The following CNGA3 variants were observed in gnomAD, a reference collection of about 807,000 sequenced individuals.
CNGA3 encodes the protein cyclic nucleotide-gated channel alpha-3.
CNGA3 carries 42 observed loss-of-function variants against 46.6 expected under a neutral mutation model. The ratio of observed to expected loss-of-function variants is 0.90; its 90% CI spans 0.70 to 1.17. The LOEUF is 1.17. Among genes scored for constraint, CNGA3 ranks in the 50% most tolerant of loss-of-function variants. The probability of loss-of-function intolerance (pLI) is 0.00; values close to 1 mark genes in which losing one functional copy is unlikely to be tolerated. For missense variants in CNGA3, 893 were observed against 890.7 expected (o/e 1.00, Z -0.03); for synonymous variants, 394 against 369.4 (o/e 1.07, Z -0.76).
rs6727412 is a variant in CNGA3 at position 98,370,047 on chromosome 2, T to C, written c.72T>C (p.Asp24=). 0.16 allele frequency: 260,500 copies of C among 1,613,068 alleles called. 22,881 individuals carry two copies. The highest frequency in any genetic ancestry group is 0.18 in the Non-Finnish European group (216,828 of 1,179,362). ...TCAAGGTAAAGACCTCAGACCGAGA[T>C]CTCAATCGCGCTGAAAATGGCCTCA... ...THLKVKTSDR[D]LNRAENGLSR... The change falls in exon 2 of 8, where the codon GAT becomes GAC. Residue 24 remains aspartate, a synonymous_variant. Coordinates refer to ENST00000272602, the MANE Select transcript of CNGA3 (RefSeq NM_001298.3).
chr2:98,374,722 C>T (rs1692366531), intron 2 of CNGA3, among the ~76,000 whole-genome samples: 1 of 152,144 alleles, frequency 6.6e-6, no homozygotes, highest in African/African-American at 2.4e-5. Context: ...TATGTAAACA[C>T]CCCCAGGCAT....
chr2:98,381,962 G>T (rs1692549618), intron 4 of CNGA3, among the ~76,000 whole-genome samples: 2 of 152,174 alleles, frequency 1.3e-5, no homozygotes, highest in African/African-American at 4.8e-5. Flanking sequence ...GGCAAGCAAA[G>T]ACTTCCTTAT....
rs573692475 is a variant in CNGA3, at chr2:98,395,531, T to C, written c.674-313T>C. ...TTTTAAAGGATCCTTTTTTAAAATA[T>C]GTATATAATTTCCATTTATCTTTTA... On this transcript the variant is annotated intron_variant, in intron 7 of 7. Coordinates refer to ENST00000272602, the MANE Select transcript of CNGA3 (RefSeq NM_001298.3). 1.2e-4 allele frequency among the ~76,000 whole-genome samples: 19 copies of C among 152,308 alleles called. 1 individual carries two copies. The South Asian group carries it at 3.9e-3, about 32-fold the overall frequency.
At chr2:98,394,741 C>G (rs1267918579) in intron 7 of CNGA3, among the ~76,000 whole-genome samples, 1 of 152,188 alleles carries the variant, frequency 6.6e-6, no homozygotes, top group African/African-American at 2.4e-5. Context: ...AATAGAATGT[C>G]TCAGGAAGTC....
chr2:98,392,063 G>T, intron 7 of CNGA3, 93 bp downstream of exon 7: 1 of 1,130,822 alleles, frequency 8.8e-7, no homozygotes, highest in South Asian at 1.3e-5. Context: ...ACCTACCCTT[G>T]ACCATGAGAG....
At chr2:98,357,046 T>C (rs1185326087) in intron 1 of CNGA3, among the ~76,000 whole-genome samples, 2 of 152,212 alleles carry the variant, frequency 1.3e-5, no homozygotes, top group Admixed American at 1.3e-4. Context: ...TCATGATGAT[T>C]CCTCACCAGT....
At chr2:98,381,103 C>T (rs1263468690) in intron 4 of CNGA3, among the ~76,000 whole-genome samples, 1 of 152,160 alleles carries the variant, frequency 6.6e-6, no homozygotes, top group Non-Finnish European at 1.5e-5. Flanking sequence ...CATGAGAAGT[C>T]TCCCCAGCAG....
In CNGA3 at chr2:98,369,943, C is replaced by T. The variant is rs375916353; in HGVS notation, c.-33C>T. The stretch of plus-strand genomic sequence containing the variant: ...TGCTTTGTGTTCACATTTTAGCAAT[C>T]ATCTGGGGGGCTAAATGTGACAAAC... On this transcript the variant is annotated 5_prime_UTR_variant, in exon 2 of 8. Coordinates refer to ENST00000272602, the MANE Select transcript of CNGA3 (RefSeq NM_001298.3). The T allele has an allele frequency of 6.4e-7, 1 of 1,564,642 alleles. No individual in the cohort carries two copies. The highest frequency in any genetic ancestry group is 1.4e-5 in the African/African-American group (1 of 73,878).
intron 2 of CNGA3, among the ~76,000 whole-genome samples, chr2:98,374,801 G>C (rs62156346): frequency 0.14 from 21,171 of 152,296 alleles, 2,065 homozygotes; most frequent in Non-Finnish European, 0.2. Context: ...CATTGAGAAG[G>C]AAGTGGGGCA....
chr2:98,396,824 A>AT lies in CNGA3; in HGVS notation c.1656dup (p.Leu553SerfsTer62). The AT allele has an allele frequency of 6.2e-7, 1 of 1,614,190 alleles. No individual in the cohort carries two copies. The highest frequency in any genetic ancestry group is 8.5e-7 in the Non-Finnish European group (1 of 1,180,036). ...TGGCAGCTACTTCGGGGAGATCAGC[A>AT]TTCTGAACATCAAGGGGAGCAAGTC... On this transcript the variant is annotated frameshift_variant, in exon 8 of 8. Transcript: ENST00000272602. LOFTEE classifies it high-confidence loss of function.
At chr2:98,348,784 GAC>G (rs1691703745) in intron 1 of CNGA3, among the ~76,000 whole-genome samples, 1 of 152,204 alleles carries the variant, frequency 6.6e-6, no homozygotes, top group African/African-American at 2.4e-5. Flanking sequence ...ATTTTAAACA[GAC>G]ACAGTCCCTG....
intron 1 of CNGA3, among the ~76,000 whole-genome samples, chr2:98,361,407 C>T (rs1692030049): frequency 6.6e-6 from 1 of 152,110 alleles, no homozygotes; most frequent in South Asian, 2.1e-4. Flanking sequence ...ATATGTACCA[C>T]ATTTTCTTTA....
chr2:98,365,273 C>T (rs1402072249), intron 1 of CNGA3, among the ~76,000 whole-genome samples: 2 of 152,172 alleles, frequency 1.3e-5, no homozygotes, highest in African/African-American at 4.8e-5. Flanking sequence ...GAAACCCTGT[C>T]TCTACTAAAA....
rs867965684 is a variant in CNGA3, at chr2:98,396,953, A to G, written c.1783A>G (p.Lys595Glu). 5 of 1,614,122 alleles carry G rather than the reference A, an allele frequency of 3.1e-6. No homozygotes were observed. Among genetic ancestry groups the G allele is most frequent in the Non-Finnish European group, 4.2e-6 (5 of 1,180,030 alleles). The change falls in exon 8 of 8, where the codon AAG (lysine) becomes GAG (glutamate). Residue 595 changes from lysine to glutamate, a missense_variant. Lys to Glu is a moderately conservative substitution (Grantham distance 56, BLOSUM62 1). This residue lies in a region of CNGA3 where 548 missense variants were observed against 570.8 expected (regional missense o/e 0.96). Coordinates refer to ENST00000272602, the MANE Select transcript of CNGA3 (RefSeq NM_001298.3). ...MEALTEYPEA[K>E]KALEEKGRQI... The stretch of plus-strand genomic sequence containing the variant: ...GGCCCTCACCGAGTACCCCGAAGCC[A>G]AGAAGGCCCTGGAGGAGAAAGGACG...
intron 5 of CNGA3, among the ~76,000 whole-genome samples, chr2:98,387,174 C>A (rs1480227083): frequency 6.6e-6 from 1 of 152,140 alleles, no homozygotes; most frequent in Admixed American, 6.5e-5. Context: ...TTTAAGTGGC[C>A]ATGTAGAATT....
chr2:98,380,416 G>A (rs1481474592), intron 4 of CNGA3, 62 bp downstream of exon 4: 1 of 1,565,120 alleles, frequency 6.4e-7, no homozygotes, highest in Non-Finnish European at 8.7e-7. Flanking sequence ...GGAAGCCTGT[G>A]CTTTGCTCCA....
rs760574115 is a variant in CNGA3 at position 98,391,876 on chromosome 2, T to C, written c.579T>C (p.Asp193=). 5.0e-6 allele frequency: 8 copies of C among 1,613,988 alleles called. No homozygotes were observed. Among genetic ancestry groups the C allele is most frequent in the African/African-American group, 4.0e-5 (3 of 74,940 alleles). Residue 193 remains aspartate, a synonymous_variant, in exon 7 of 8, where the codon GAT becomes GAC. Coordinates refer to ENST00000272602, the MANE Select transcript of CNGA3 (RefSeq NM_001298.3). Reference sequence around the variant, plus strand: ...ATGGCTTCTTTAGGGCCTGTTTCGATGAGCTGCAGTCCGAGTACCTGATGC... The same window carrying C: ...ATGGCTTCTTTAGGGCCTGTTTCGACGAGCTGCAGTCCGAGTACCTGATGC... The part of the protein sequence containing the change: ...WYLLICRACF[D]ELQSEYLMLW...
intron 4 of CNGA3, among the ~76,000 whole-genome samples, chr2:98,381,804 G>A (rs1051079410): frequency 6.6e-6 from 1 of 152,138 alleles, no homozygotes; most frequent in Non-Finnish European, 1.5e-5. Context: ...TCCCAGGACT[G>A]GGCATCCAGT....
intron 7 of CNGA3, among the ~76,000 whole-genome samples, chr2:98,394,228 A>C (rs1692858526): frequency 6.6e-6 from 1 of 152,182 alleles, no homozygotes; most frequent in Non-Finnish European, 1.5e-5. Context: ...AAAAGAATGC[A>C]GGTCATGGCC....
Sources: allele counts gnomAD v4.1 joint callset (sites outside exome capture counted in the v4.1 genomes callset), GRCh38; gene constraint gnomAD v4.1.1; regional missense constraint gnomAD v4.1.1; transcripts MANE v1.5; gene names NCBI Gene and HGNC (gene_info 2026-07-23, HGNC 2026-07-21).